The following DNAJC10 variants were observed in gnomAD, a reference collection of about 807,000 sequenced individuals.
DNAJC10 encodes endoplasmic reticulum disulfide reductase DNAJC10.
A neutral mutation model predicts 115.0 loss-of-function variants in DNAJC10; 101 were observed. The observed-to-expected ratio is 0.88, with a 90% CI of 0.75 to 1.04. DNAJC10 has a LOEUF of 1.04. Among genes scored for constraint, DNAJC10 ranks in the 50% least tolerant of loss-of-function variants. DNAJC10 has a pLI of 0.00. For missense variants in DNAJC10, 981 were observed against 928.8 expected, an observed-to-expected ratio of 1.06 and a Z score of -0.73; for synonymous variants, 307 against 301.5, an observed-to-expected ratio of 1.02 and a Z score of -0.19.
intron 3 of DNAJC10, 117 bp from the exon 4 acceptor site, chr2:182,719,890 T>C: frequency 3.9e-6 from 2 of 511,350 alleles, no homozygotes; most frequent in Non-Finnish European, 6.7e-6. Flanking sequence ...TACCCCTCCT[T>C]ATGTTGGTAT....
intron 22 of DNAJC10, among the ~76,000 whole-genome samples, chr2:182,767,047 G>A (rs1694431030): frequency 6.6e-6 from 1 of 152,060 alleles, no homozygotes; most frequent in African/African-American, 2.4e-5. Context: ...TGCTGTTCTG[G>A]TTCCTGTTTT....
At chr2:182,771,532 A>C (rs1694563539) in intron 22 of DNAJC10, among the ~76,000 whole-genome samples, 1 of 152,168 alleles carries the variant, frequency 6.6e-6, no homozygotes, top group Non-Finnish European at 1.5e-5. Context: ...TCAGAAATTC[A>C]TCTTCTTCCT....
chr2:182,739,406 G>C, intron 11 of DNAJC10: 5 of 514,926 alleles, frequency 9.7e-6, no homozygotes, highest in Non-Finnish European at 1.3e-5. Flanking sequence ...AGTTTTTAGT[G>C]AATTTTAGAT....
In DNAJC10 at chr2:182,728,899, C is replaced by T. The variant is rs778556888; in HGVS notation, c.538C>T (p.Arg180Ter). ...DFAKEVDGLL[R>*]IGAVNCGDDR... Reference sequence around the variant, plus strand: ...TGCTAAAGAAGTGGATGGGTTACTTCGAATTGGAGCTGTTAACTGTGGTGA... The same window carrying T: ...TGCTAAAGAAGTGGATGGGTTACTTTGAATTGGAGCTGTTAACTGTGGTGA... Residue 180 changes from arginine (R) to a stop codon, truncating the protein, a stop_gained, in exon 7 of 24, where the codon CGA becomes TGA. Coordinates refer to ENST00000264065, the MANE Select transcript of DNAJC10 (RefSeq NM_018981.4). LOFTEE classifies it high-confidence loss of function. The T allele has an allele frequency of 5.0e-6, 8 of 1,613,956 alleles. No homozygotes were observed. The highest frequency in any genetic ancestry group is 1.7e-4 in the Middle Eastern group (1 of 6,060).
At chr2:182,749,457 T>G (rs1693958974) in intron 14 of DNAJC10, among the ~76,000 whole-genome samples, 1 of 149,342 alleles carries the variant, frequency 6.7e-6, no homozygotes, top group Admixed American at 6.7e-5. Context: ...AAGTCTGTTT[T>G]ATCAGAGACT....
chr2:182,779,443 T>C lies in DNAJC10; in HGVS notation c.*2311T>C, dbSNP rs1694791852. The stretch of plus-strand genomic sequence containing the variant: ...CAGCCAGGCTTGGAAATTAGGTCCA[T>C]TTAAAGTATGTGGCTTACAGTCAGG... On this transcript the variant is annotated 3_prime_UTR_variant, in exon 24 of 24. Coordinates refer to ENST00000264065, the MANE Select transcript of DNAJC10 (RefSeq NM_018981.4). The C allele has an allele frequency of 6.6e-6, 1 of 152,132 alleles. No individual in the cohort carries two copies. The highest frequency in any genetic ancestry group is 1.5e-5 in the Non-Finnish European group (1 of 68,024). 9.4% of individuals were successfully genotyped at this position (152,132 alleles called of 1,614,324 possible).
chr2:182,764,698 A>G (rs955708912), intron 22 of DNAJC10, among the ~76,000 whole-genome samples: 3 of 152,178 alleles, frequency 2.0e-5, no homozygotes, highest in Non-Finnish European at 4.4e-5. Flanking sequence ...AATCAAGACT[A>G]TGTCGGTAAC....
rs1374707249 is a variant in DNAJC10 at position 182,720,259 on chromosome 2, G to A, written c.367+90G>A. The A allele has an allele frequency of 2.8e-6, 3 of 1,082,178 alleles. No homozygotes were observed. The Admixed American group carries it at 6.9e-5, about 25-fold the overall frequency. The allele number at this position is 1,082,178 out of a possible 1,614,324, so 67.0% of individuals were successfully genotyped here. On this transcript the variant is annotated intron_variant, in intron 4 of 23. Transcript: ENST00000264065. ...TTCACCACTTAGCTTATATATTTAA[G>A]ATGCGTCACTTTGATTAGCTCCTTT...
rs1370928956 is a variant in DNAJC10 at position 182,793,840 on chromosome 2, A to ACACACG, written c.*16713_*16714insGCACAC. The ACACACG allele has an allele frequency of 6.0e-5, 9 of 150,720 alleles. No homozygotes were observed. The highest frequency in any genetic ancestry group is 8.9e-5 in the Non-Finnish European group (6 of 67,702). The allele number at this position is 150,720 out of a possible 1,614,324, so 9.3% of individuals were successfully genotyped here. On this transcript the variant is annotated 3_prime_UTR_variant, in exon 24 of 24. Coordinates refer to ENST00000264065, the MANE Select transcript of DNAJC10 (RefSeq NM_018981.4). Reference sequence around the variant, plus strand: ...ACACATCACACACACACACACACACACACACACACACACACACACACACAC... The same window carrying ACACACG: ...ACACATCACACACACACACACACACACACACGCACACACACACACACACACACACAC...
At chr2:182,738,967 G>T (rs1307491393) in intron 11 of DNAJC10, among the ~76,000 whole-genome samples, 6 of 151,846 alleles carry the variant, frequency 4.0e-5, no homozygotes, top group Non-Finnish European at 7.4e-5. Context: ...AACAGAAACA[G>T]GTTTATAATG....
At position 182,717,953 on chromosome 2, in the gene DNAJC10, G is replaced by T; in HGVS notation, c.-134G>T. ...TTTTCTTTCTTAGATTAATATTTTT[G>T]GGGACAGATTTGTGATGCTTGATTC... On this transcript the variant is annotated 5_prime_UTR_variant, in exon 3 of 24. Coordinates refer to ENST00000264065, the MANE Select transcript of DNAJC10 (RefSeq NM_018981.4). 1 of 530,864 alleles carries T rather than the reference G, an allele frequency of 1.9e-6. No individual in the cohort carries two copies. Among genetic ancestry groups the T allele is most frequent in the Non-Finnish European group, 3.2e-6 (1 of 313,760 alleles). The allele number at this position is 530,864 out of a possible 1,614,324, so 32.9% of individuals were successfully genotyped here. A position where few individuals can be genotyped will look rare whatever the true frequency, so the allele number is the denominator to read the frequency against.
In DNAJC10 at chr2:182,748,023, G is replaced by A. The variant is rs1693915223; in HGVS notation, c.1307-3635G>A. Among the ~76,000 whole-genome samples, 8 of 146,966 alleles carry A rather than the reference G, an allele frequency of 5.4e-5. No individual in the cohort carries two copies. The South Asian group carries it at 1.8e-3, about 32-fold the overall frequency. ...TTGTCTTTGGTTCTGTTTATATGCT[G>A]GATTACATTTATTGATTTGCGTATA... On this transcript the variant is annotated intron_variant, in intron 14 of 23. Transcript: ENST00000264065.
At chr2:182,722,269 G>A (rs577477756) in intron 5 of DNAJC10, among the ~76,000 whole-genome samples, 194 bp downstream of exon 5, 4 of 152,202 alleles carry the variant, frequency 2.6e-5, no homozygotes, top group Admixed American at 2.6e-4. Flanking sequence ...TATTTATGTA[G>A]CAAAATGTGT....
rs1452043678 is a variant in DNAJC10 at position 182,794,293 on chromosome 2, T to C, written c.*17161T>C. Reference sequence around the variant, plus strand: ...AAAAATTTGAGTACATAGGAAACAATAGATGAAGGATAGAAATAATCCATT... The same window carrying C: ...AAAAATTTGAGTACATAGGAAACAACAGATGAAGGATAGAAATAATCCATT... On this transcript the variant is annotated 3_prime_UTR_variant, in exon 24 of 24. Transcript: ENST00000264065. 1 of 152,140 alleles carries C rather than the reference T, an allele frequency of 6.6e-6. No homozygotes were observed. The highest frequency in any genetic ancestry group is 6.5e-5 in the Admixed American group (1 of 15,270). 9.4% of individuals were successfully genotyped at this position (152,140 alleles called of 1,614,324 possible). A position where few individuals can be genotyped will look rare whatever the true frequency, so the allele number is the denominator to read the frequency against.
At chr2:182,752,953 G>C (rs1694062175) in intron 16 of DNAJC10, among the ~76,000 whole-genome samples, 1 of 152,278 alleles carries the variant, frequency 6.6e-6, no homozygotes, top group Middle Eastern at 3.4e-3. Flanking sequence ...TTTGGATGCA[G>C]TTTAAACAAA....
At chr2:182,748,473 C>T (rs540022187) in intron 14 of DNAJC10, among the ~76,000 whole-genome samples, 2 of 152,224 alleles carry the variant, frequency 1.3e-5, no homozygotes, top group African/African-American at 4.8e-5. Context: ...GTGTATGAGT[C>T]GAGGAACTTA....
rs541228223 is a variant in DNAJC10 at position 182,750,210 on chromosome 2, G to A, written c.1307-1448G>A. 2.2e-4 allele frequency among the ~76,000 whole-genome samples: 33 copies of A among 152,308 alleles called. No homozygotes were observed. In the South Asian group the frequency reaches 6.0e-3, roughly 28 times the overall value. ...TGACTTGACGAAATTGCAGTTGAGT[G>A]ATTGTACCGTTCAATGTAAGTGGAC... On this transcript the variant is annotated intron_variant, in intron 14 of 23. Transcript: ENST00000264065.
intron 9 of DNAJC10, among the ~76,000 whole-genome samples, chr2:182,732,283 A>C (rs774840732): frequency 3.3e-5 from 5 of 151,516 alleles, no homozygotes; most frequent in Non-Finnish European, 5.9e-5. Context: ...TTAAAGGGAG[A>C]GAATGAAAGA....
chr2:182,788,738 A>C lies in DNAJC10; in HGVS notation c.*11606A>C. The C allele has an allele frequency of 2.3e-6, 1 of 439,992 alleles. No homozygotes were observed. The highest frequency in any genetic ancestry group is 4.5e-6 in the Non-Finnish European group (1 of 222,212). 27.3% of individuals were successfully genotyped at this position (439,992 alleles called of 1,614,324 possible). On this transcript the variant is annotated 3_prime_UTR_variant, in exon 24 of 24. Coordinates refer to ENST00000264065, the MANE Select transcript of DNAJC10 (RefSeq NM_018981.4). ...TCAGAGGAAATCCAGGGAAGTTCCT[A>C]CTTGGGAAAACGGAAAGGTAGACTA... is the stretch of plus-strand genomic sequence containing the variant.
Sources: gnomAD v4.1 joint callset for allele counts (sites outside exome capture counted in the v4.1 genomes callset) on GRCh38, gnomAD v4.1.1 for gene constraint, MANE v1.5 for transcripts, NCBI Gene and HGNC (gene_info 2026-07-23, HGNC 2026-07-21) for gene names.